Variants in LAMA1 observed in about 807,000 individuals in gnomAD.
LAMA1 encodes laminin subunit alpha 1.
LAMA1 carries 219 observed loss-of-function variants against 348.7 expected under a neutral mutation model. The ratio of observed to expected loss-of-function variants is 0.63; its 90% confidence interval spans 0.56 to 0.70. The LOEUF is 0.70. Among genes scored for constraint, LAMA1 ranks in the 30% least tolerant of loss-of-function variants. The pLI is 0.00. For synonymous variants in LAMA1, 1,487 were observed against 1,491.0 expected (o/e 1.00, Z 0.06); for missense variants, 3,744 against 3,888.0 (o/e 0.96, Z 0.99).
chr18:6,999,963 C>G lies in LAMA1; in HGVS notation c.4417G>C (p.Asp1473His). The change falls in exon 31 of 63, where the codon GAT becomes CAT. Residue 1473 changes from aspartate (D) to histidine (H), a missense_variant. Around this residue, in one of 3 missense-constraint regions of LAMA1, gnomAD observed 1,983 missense variants for 1,934.3 expected, o/e 1.03. Coordinates refer to ENST00000389658, the MANE Select transcript of LAMA1 (RefSeq NM_005559.4). ...AGGAGACAGGCGTCACAACGGAAAT[C>G]GTGGTCCCCTTCCAAGACACAAGTG... is the stretch of plus-strand genomic sequence containing the variant. ...SPTCVLEGDHDFRCDACLLGY... is the reference protein window; with the variant it reads ...SPTCVLEGDHHFRCDACLLGY... 6.2e-7 allele frequency: 1 copy of G among 1,614,070 alleles called. No individual in the cohort carries two copies. The highest frequency in any genetic ancestry group is 8.5e-7 in the Non-Finnish European group (1 of 1,179,930).
chr18:7,010,501 G>T, intron 25 of LAMA1, 116 bp from the exon 26 acceptor site: 1 of 974,180 alleles, frequency 1.0e-6, no homozygotes, highest in Non-Finnish European at 1.6e-6. Flanking sequence ...ACATCACATG[G>T]GTGAAATTTG....
intron 1 of LAMA1, among the ~76,000 whole-genome samples, chr18:7,116,281 T>C (rs1598327622): frequency 6.6e-6 from 1 of 152,222 alleles, no homozygotes; most frequent in African/African-American, 2.4e-5. Flanking sequence ...CTCTACCCTG[T>C]GGGAAACCGG....
rs566848365 is a variant in LAMA1 at position 7,054,726 on chromosome 18, G to A, written c.346-3790C>T. 2.6e-5 allele frequency among the ~76,000 whole-genome samples: 4 copies of A among 152,170 alleles called. No individual in the cohort carries two copies. The South Asian group carries it at 8.3e-4, about 32-fold the overall frequency. On this transcript the variant is annotated intron_variant, in intron 3 of 62. Transcript: ENST00000389658. ...TTTTGTGTGCTTCTGCCACCCCTGA[G>A]ACAGCAAAACCAACCCCTCTTCCTC...
intron 9 of LAMA1, 72 bp downstream of exon 9, chr18:7,042,073 G>T: frequency 1.0e-6 from 1 of 997,832 alleles, no homozygotes; most frequent in Non-Finnish European, 1.6e-6. Context: ...ATTACCATTA[G>T]TTCCAGTATG....
chr18:6,973,329 G>C, intron 46 of LAMA1, 122 bp from the exon 47 acceptor site: 1 of 854,406 alleles, frequency 1.2e-6, no homozygotes. Context: ...GCACCCCCCT[G>C]CTGGCCTCCT....
rs186139646 is a variant in LAMA1 at position 7,107,828 on chromosome 18, C to T, written c.61+9832G>A. Among the ~76,000 whole-genome samples, 160 of 151,350 alleles carry T rather than the reference C, an allele frequency of 1.1e-3. 1 individual carries two copies. The highest frequency in any genetic ancestry group is 6.9e-3 in the Middle Eastern group (2 of 288). On this transcript the variant is annotated intron_variant, in intron 1 of 62. Coordinates refer to ENST00000389658, the MANE Select transcript of LAMA1 (RefSeq NM_005559.4). ...AGGAGATTGAGACCGTCCTGGCTAC[C>T]ATGGTGAAACCCCGTCTCTACTAAA...
Position 7,017,274 on chromosome 18 carries a change from T to C in LAMA1, c.2808+4A>G, listed in dbSNP as rs2057893358. 1 of 1,609,778 alleles carries C rather than the reference T, an allele frequency of 6.2e-7. No homozygotes were observed. The highest frequency in any genetic ancestry group is 8.5e-7 in the Non-Finnish European group (1 of 1,176,522). Reference sequence around the variant, plus strand: ...AAGGTGTCAATTAGTCACATGCATCTTACCAAGCACTGGTCACACTGCTGT... The same window carrying C: ...AAGGTGTCAATTAGTCACATGCATCCTACCAAGCACTGGTCACACTGCTGT... On this transcript the variant is annotated splice_donor_region_variant and intron_variant, in intron 20 of 62. Transcript: ENST00000389658.
intron 36 of LAMA1, among the ~76,000 whole-genome samples, chr18:6,991,043 C>T (rs2144070537): frequency 6.6e-6 from 1 of 152,240 alleles, no homozygotes; most frequent in South Asian, 2.1e-4. Flanking sequence ...GCTGCTCACG[C>T]CCATCTCCCA....
At chr18:7,007,470 C>CAAAA (rs201834015) in intron 28 of LAMA1, among the ~76,000 whole-genome samples, 194 bp from the exon 29 acceptor site, 1 of 132,186 alleles carries the variant, frequency 7.6e-6, no homozygotes, top group Non-Finnish European at 1.6e-5. Context: ...TATCAACTAT[C>CAAAA]AAAAAAAAAA....
chr18:7,062,464 G>A (rs888078492), intron 3 of LAMA1, among the ~76,000 whole-genome samples: 2 of 152,168 alleles, frequency 1.3e-5, no homozygotes, highest in Non-Finnish European at 2.9e-5. Context: ...AGATGTTTGT[G>A]CACCGTGGTT....
In LAMA1 at chr18:7,046,318, T is replaced by A; in HGVS notation, c.818A>T (p.Tyr273Phe). The A allele has an allele frequency of 6.2e-7, 1 of 1,612,230 alleles. No homozygotes were observed. The highest frequency in any genetic ancestry group is 8.5e-7 in the Non-Finnish European group (1 of 1,178,652). Residue 273 changes from tyrosine (Y) to phenylalanine (F), a missense_variant, in exon 6 of 63, where the codon TAT becomes TTT. By Grantham distance (22) the Tyr-to-Phe change is conservative. Transcript: ENST00000389658. ...DISVGGMCICYGHASSCPWDE... is the reference protein window; with the variant it reads ...DISVGGMCICFGHASSCPWDE... ...CCATGGGCAGCTACTAGCATGGCCA[T>A]AGCAGATACACATGCCTCCAACAGA...
At chr18:7,015,428 C>T (rs1024011252) in intron 22 of LAMA1, among the ~76,000 whole-genome samples, 4 of 151,898 alleles carry the variant, frequency 2.6e-5, no homozygotes, top group Non-Finnish European at 5.9e-5. Context: ...TGCCACCACA[C>T]CAGGCTAAAT....
intron 25 of LAMA1, 115 bp from the exon 26 acceptor site, chr18:7,010,500 G>T: frequency 2.0e-6 from 2 of 990,438 alleles, no homozygotes. Context: ...TACATCACAT[G>T]GGTGAAATTT....
At chr18:6,945,421 A>G (rs1393293206) in intron 61 of LAMA1, among the ~76,000 whole-genome samples, 3 of 152,006 alleles carry the variant, frequency 2.0e-5, no homozygotes, top group South Asian at 2.1e-4. Context: ...AGGGGTCAAA[A>G]CCCAGCGGGG....
chr18:7,008,337 A>T, intron 28 of LAMA1, 151 bp downstream of exon 28: 1 of 895,048 alleles, frequency 1.1e-6, no homozygotes, highest in Non-Finnish European at 1.7e-6. Flanking sequence ...TTTGTTATGT[A>T]CATTTTACCA....
rs934108813 is a variant in LAMA1, at chr18:6,956,712, C to G, written c.8018G>C (p.Cys2673Ser). Residue 2673 changes from cysteine (C) to serine (S), a missense_variant, in exon 56 of 63, where the codon TGC (cysteine) becomes TCC (serine). Around this residue, in one of 3 missense-constraint regions of LAMA1, gnomAD observed 1,983 missense variants for 1,934.3 expected, o/e 1.03. Transcript: ENST00000389658. The stretch of plus-strand genomic sequence containing the variant: ...CAGCTTAGGCCTTTCTGACAGCCAG[C>G]AGGTGTCCAGGTCGACTTGCTCATG... ...VGHEQVDLDT[C>S]WLSERPKLAP... 10 of 1,614,066 alleles carry G rather than the reference C, an allele frequency of 6.2e-6. No individual in the cohort carries two copies. The African/African-American group carries it at 1.3e-4, about 22-fold the overall frequency.
intron 62 of LAMA1, 143 bp from the exon 63 acceptor site, chr18:6,942,382 A>T (rs1467165592): frequency 2.3e-6 from 2 of 887,814 alleles, no homozygotes; most frequent in Non-Finnish European, 3.4e-6. Flanking sequence ...TATCTTCCAC[A>T]TATGTGGTGT....
At chr18:7,050,965 T>C in intron 3 of LAMA1, 29 bp from the exon 4 acceptor site, 2 of 1,612,806 alleles carry the variant, frequency 1.2e-6, no homozygotes, top group Non-Finnish European at 1.7e-6. Context: ...AAAGTCTCAA[T>C]CCAGAATCAA....
chr18:6,951,009 T>G, intron 57 of LAMA1, 38 bp from the exon 58 acceptor site: 6 of 1,582,632 alleles, frequency 3.8e-6, no homozygotes, highest in Non-Finnish European at 5.2e-6. Context: ...GAAAGGAAAC[T>G]TTTACTTTTC....
Sources: gnomAD v4.1 joint callset for allele counts (sites outside exome capture counted in the v4.1 genomes callset) on GRCh38, gnomAD v4.1.1 for gene constraint, gnomAD v4.1.1 regional missense constraint, MANE v1.5 for transcripts, NCBI Gene and HGNC (gene_info 2026-07-23, HGNC 2026-07-21) for gene names.